The following ARHGEF37 variants were observed in gnomAD, a reference collection of about 807,000 sequenced individuals.
The protein encoded by ARHGEF37 is Rho guanine nucleotide exchange factor 37, also known as Rho guanine nucleotide exchange factor (GEF) 37.
ARHGEF37 carries 55 observed loss-of-function variants against 71.1 expected under a neutral mutation model. The observed-to-expected ratio is 0.77, with a 90% confidence interval of 0.62 to 0.97. ARHGEF37 has a LOEUF of 0.97. Among genes scored for constraint, ARHGEF37 ranks in the 50% least tolerant of loss-of-function variants. The pLI is 0.00. For missense variants in ARHGEF37, 765 were observed against 836.8 expected, an observed-to-expected ratio of 0.91 and a Z score of 1.06; for synonymous variants, 327 against 350.6, an observed-to-expected ratio of 0.93 and a Z score of 0.75.
chr5:149,585,810 T>C (rs1763219954), intron 1 of ARHGEF37, among the ~76,000 whole-genome samples: 1 of 152,246 alleles, frequency 6.6e-6, no homozygotes, highest in African/African-American at 2.4e-5. Context: ...TGAGCCACTG[T>C]GCCTGGCCTG....
chr5:149,598,268 CTTCTTCTTCTTCTTCT>C (rs1763613062), intron 2 of ARHGEF37, among the ~76,000 whole-genome samples: 1 of 119,344 alleles, frequency 8.4e-6, no homozygotes, highest in Non-Finnish European at 1.7e-5. Context: ...ACTGACTCTT[CTTCTTCTTCTTCTTCT>C]TCTTCTTCTT....
In ARHGEF37 at chr5:149,624,104, G is replaced by C; in HGVS notation, c.1428G>C (p.Glu476Asp). The C allele has an allele frequency of 6.2e-7, 1 of 1,611,404 alleles. No homozygotes were observed. Among genetic ancestry groups the C allele is most frequent in the Non-Finnish European group, 8.5e-7 (1 of 1,177,830 alleles). Residue 476 changes from glutamate to aspartate, a missense_variant, in exon 10 of 13, where the codon GAG (glutamate) becomes GAC (aspartate). By Grantham distance (45) the Glu-to-Asp change is conservative (BLOSUM62 2). Coordinates refer to ENST00000333677, the MANE Select transcript of ARHGEF37 (RefSeq NM_001001669.3). ...GTAACCAGCTTCGCTCCTTTCAAGA[G>C]ACCTTTGAGAAAGTGCAGCCACCTC... The part of the protein sequence containing the change: ...RTSNQLRSFQ[E>D]TFEKVQPPPT...
intron 4 of ARHGEF37, among the ~76,000 whole-genome samples, chr5:149,611,372 G>A (rs2113347007): frequency 6.6e-6 from 1 of 152,346 alleles, no homozygotes; most frequent in Admixed American, 6.5e-5. Flanking sequence ...CAGAGCCTCT[G>A]CTTTTTTAAG....
intron 3 of ARHGEF37, among the ~76,000 whole-genome samples, chr5:149,602,543 A>C (rs1273437827): frequency 2.0e-5 from 3 of 151,626 alleles, no homozygotes; most frequent in Non-Finnish European, 4.4e-5. Context: ...TCTAGAGTGC[A>C]ATGGAGCAAT....
Position 149,632,309 on chromosome 5 carries a change from G to T in ARHGEF37, c.*118G>T, listed in dbSNP as rs946561022. 4.2e-6 allele frequency: 5 copies of T among 1,192,456 alleles called. No individual in the cohort carries two copies. The highest frequency in any genetic ancestry group is 3.5e-6 in the Non-Finnish European group (3 of 857,078). 73.9% of individuals were successfully genotyped at this position (1,192,456 alleles called of 1,614,324 possible). A position where few individuals can be genotyped will look rare whatever the true frequency, so the allele number is the denominator to read the frequency against. On this transcript the variant is annotated 3_prime_UTR_variant, in exon 13 of 13. Coordinates refer to ENST00000333677, the MANE Select transcript of ARHGEF37 (RefSeq NM_001001669.3). The stretch of plus-strand genomic sequence containing the variant: ...GGAAGGGAAGACCAGGCCAGGGTGG[G>T]TGAAGCACACTCAGGAGGCAGCCAG...
chr5:149,629,486 G>A (rs910887753), intron 12 of ARHGEF37, among the ~76,000 whole-genome samples: 1 of 152,242 alleles, frequency 6.6e-6, no homozygotes, highest in Non-Finnish European at 1.5e-5. Flanking sequence ...CAGGAAGGGA[G>A]AGAGGGAATT....
chr5:149,623,040 A>G (rs373227239), intron 9 of ARHGEF37, among the ~76,000 whole-genome samples: 15 of 152,128 alleles, frequency 9.9e-5, no homozygotes, highest in Admixed American at 5.9e-4. Context: ...CCTCCAGCAC[A>G]CAGCTGCTGG....
chr5:149,595,590 C>T (rs1313153378), intron 1 of ARHGEF37, among the ~76,000 whole-genome samples: 1 of 152,158 alleles, frequency 6.6e-6, no homozygotes, highest in Non-Finnish European at 1.5e-5. Flanking sequence ...TTATCTGACA[C>T]TCTTGGGGTC....
intron 3 of ARHGEF37, among the ~76,000 whole-genome samples, chr5:149,608,739 C>T (rs1057086303): frequency 2.6e-5 from 4 of 152,140 alleles, no homozygotes; most frequent in Admixed American, 2.6e-4. Context: ...ACACTTGCCT[C>T]AGGTTACACA....
chr5:149,556,652 G>T (rs1421660267), intron 1 of ARHGEF37, among the ~76,000 whole-genome samples: 1 of 152,094 alleles, frequency 6.6e-6, no homozygotes, highest in Non-Finnish European at 1.5e-5. Flanking sequence ...CTCCCAAAGT[G>T]CTGGGATTAC....
intron 3 of ARHGEF37, 109 bp downstream of exon 3, chr5:149,601,340 G>A (rs1212787447): frequency 1.7e-5 from 23 of 1,355,622 alleles, no homozygotes; most frequent in Non-Finnish European, 2.2e-5. Context: ...GCAGCTCAAC[G>A]GCAGTCTGTT....
intron 1 of ARHGEF37, among the ~76,000 whole-genome samples, chr5:149,587,299 CT>C: frequency 6.6e-6 from 1 of 152,198 alleles, no homozygotes; most frequent in East Asian, 1.9e-4. Flanking sequence ...TATTATGCAT[CT>C]AGATCGGCCA....
intron 10 of ARHGEF37, among the ~76,000 whole-genome samples, chr5:149,625,841 G>A (rs1334264826): frequency 6.6e-6 from 1 of 151,888 alleles, no homozygotes; most frequent in African/African-American, 2.4e-5. Flanking sequence ...AAGTGAGGTG[G>A]TCTCCCCGGA....
Position 149,571,324 on chromosome 5 carries a change from C to T in ARHGEF37, c.-12+19201C>T, listed in dbSNP as rs566384675. Among the ~76,000 whole-genome samples the T allele has an allele frequency of 5.3e-5, 8 of 151,200 alleles. No homozygotes were observed. The South Asian group carries it at 1.7e-3, about 32-fold the overall frequency. ...AGGCTGGCATGCAGTGGCACGACCTCGGCTCACTGCAACCTCTGCCTCCTA... is the reference window on the plus strand; with the variant it reads ...AGGCTGGCATGCAGTGGCACGACCTTGGCTCACTGCAACCTCTGCCTCCTA... On this transcript the variant is annotated intron_variant, in intron 1 of 2. Coordinates refer to the ARHGEF37 transcript ENST00000505810.
intron 8 of ARHGEF37, among the ~76,000 whole-genome samples, chr5:149,620,694 G>A (rs1752515689): frequency 6.6e-6 from 1 of 152,062 alleles, no homozygotes; most frequent in Admixed American, 6.5e-5. Context: ...AGCCGGGCAT[G>A]GCAGTGTGCA....
chr5:149,585,056 G>C (rs536465104), intron 1 of ARHGEF37, among the ~76,000 whole-genome samples: 1 of 152,238 alleles, frequency 6.6e-6, no homozygotes, highest in African/African-American at 2.4e-5. Context: ...AGATACTCAA[G>C]ATCATTACTC....
intron 1 of ARHGEF37, among the ~76,000 whole-genome samples, chr5:149,567,092 ATTAT>A (rs2113241030): frequency 6.6e-6 from 1 of 152,310 alleles, no homozygotes; most frequent in East Asian, 1.9e-4. Flanking sequence ...CAAACATTGT[ATTAT>A]TTCTTGTCAT....
intron 12 of ARHGEF37, among the ~76,000 whole-genome samples, 194 bp downstream of exon 12, chr5:149,629,160 T>C (rs1752800074): frequency 6.6e-6 from 1 of 152,196 alleles, no homozygotes; most frequent in African/African-American, 2.4e-5. Flanking sequence ...CTCCCACCCC[T>C]ACCACAGCAA....
At position 149,590,593 on chromosome 5, in the gene ARHGEF37, CT is replaced by C. The variant is rs34084231; in HGVS notation, c.-11-7152del. ...CCGCGTCTGGCCTGGCTATTTTATT[CT>C]TTTTTTTTTTTTTGAGGCAGAATTT... On this transcript the variant is annotated intron_variant, in intron 1 of 12. Coordinates refer to ENST00000333677, the MANE Select transcript of ARHGEF37 (RefSeq NM_001001669.3). Among the ~76,000 whole-genome samples, 355 of 136,284 alleles carry C rather than the reference CT, an allele frequency of 2.6e-3. 1 individual carries two copies. The highest frequency in any genetic ancestry group is 4.5e-3 in the Middle Eastern group (1 of 224). The allele number at this position is 136,284 out of a possible 152,430, so 89.4% of individuals were successfully genotyped here. A position where few individuals can be genotyped will look rare whatever the true frequency, so the allele number is the denominator to read the frequency against.
Sources: allele counts gnomAD v4.1 joint callset (sites outside exome capture counted in the v4.1 genomes callset), GRCh38; gene constraint gnomAD v4.1.1; transcripts MANE v1.5; gene names NCBI Gene and HGNC (gene_info 2026-07-23, HGNC 2026-07-21).